FIGN: variants seen among roughly 807,000 people sequenced by gnomAD.
FIGN encodes fidgetin.
In FIGN, 11 loss-of-function variants were observed where a neutral mutation model predicts 51.3. The observed-to-expected ratio is 0.21, with a 90% CI of 0.13 to 0.35. The LOEUF (loss-of-function observed/expected upper bound fraction) is 0.35, where lower values mean the gene tolerates loss of function less well. Among genes scored for constraint, FIGN ranks in the 10% least tolerant of loss-of-function variants. The probability of loss-of-function intolerance (pLI) is 1.00; values close to 1 mark genes in which losing one functional copy is unlikely to be tolerated. For missense variants in FIGN, 857 were observed against 943.6 expected, an observed-to-expected ratio of 0.91 and a Z score of 1.20; for synonymous variants, 407 against 363.2, an observed-to-expected ratio of 1.12 and a Z score of -1.37.
intron 2 of FIGN, among the ~76,000 whole-genome samples, chr2:163,719,342 G>A (rs988637397): frequency 1.3e-5 from 2 of 152,142 alleles, no homozygotes; most frequent in Non-Finnish European, 2.9e-5. Flanking sequence ...ACAAGGAGAA[G>A]GCAGAGAGGA....
intron 2 of FIGN, among the ~76,000 whole-genome samples, chr2:163,618,093 C>A (rs1193052216): frequency 2.0e-5 from 3 of 152,082 alleles, no homozygotes; most frequent in African/African-American, 7.2e-5. Flanking sequence ...TCATTCTGAG[C>A]AAAACAAAGA....
intron 2 of FIGN, among the ~76,000 whole-genome samples, chr2:163,682,074 A>G (rs1356898136): frequency 1.3e-5 from 2 of 152,230 alleles, no homozygotes; most frequent in Non-Finnish European, 2.9e-5. Flanking sequence ...ACCTCAGGAC[A>G]AAAATTCTGG....
intron 2 of FIGN, among the ~76,000 whole-genome samples, chr2:163,725,615 A>G (rs1455949325): frequency 6.6e-6 from 1 of 152,078 alleles, no homozygotes; most frequent in African/African-American, 2.4e-5. Context: ...AACCTATATT[A>G]TATGTTGTAC....
intron 2 of FIGN, 108 bp from the exon 3 acceptor site, chr2:163,611,914 G>GGCGC: frequency 1.5e-6 from 1 of 679,388 alleles, no homozygotes; most frequent in Non-Finnish European, 2.3e-6. Flanking sequence ...TTAATGATAT[G>GGCGC]CATACTTTAA....
chr2:163,621,704 C>A (rs1398367450), intron 2 of FIGN, among the ~76,000 whole-genome samples: 5 of 152,100 alleles, frequency 3.3e-5, no homozygotes, highest in Non-Finnish European at 5.9e-5. Flanking sequence ...CCTCTGATTT[C>A]CAGATAGACT....
intron 2 of FIGN, among the ~76,000 whole-genome samples, chr2:163,620,561 T>TA (rs1395730432): frequency 6.6e-6 from 1 of 152,188 alleles, no homozygotes; most frequent in Non-Finnish European, 1.5e-5. Flanking sequence ...GATTGATCCA[T>TA]AAACAGAGTA....
At chr2:163,641,110 A>T (rs976030) in intron 2 of FIGN, among the ~76,000 whole-genome samples, 9,707 of 152,256 alleles carry the variant, frequency 0.064, 428 homozygotes, top group African/African-American at 0.12. Context: ...TACTTGGGGC[A>T]TTCACCAATG....
At chr2:163,724,085 G>A (rs995724196) in intron 2 of FIGN, among the ~76,000 whole-genome samples, 3 of 152,094 alleles carry the variant, frequency 2.0e-5, no homozygotes, top group African/African-American at 7.2e-5. Context: ...GTCATCATCG[G>A]ATCACCTCAA....
Position 163,604,659 on chromosome 2 carries a change from T to C in FIGN, c.*4893A>G, listed in dbSNP as rs985612041. The C allele has an allele frequency of 1.1e-4, 16 of 151,820 alleles. No individual in the cohort carries two copies. Among genetic ancestry groups the C allele is most frequent in the Admixed American group, 7.9e-4 (12 of 15,226 alleles). 9.4% of individuals were successfully genotyped at this position (151,820 alleles called of 1,614,324 possible). On this transcript the variant is annotated 3_prime_UTR_variant, in exon 3 of 3. Coordinates refer to ENST00000333129, the MANE Select transcript of FIGN (RefSeq NM_018086.4). ...ACAATATGTAGCAATGAGGTAGAAATGGTTATAAAGAACAATGTTTGAATA... is the reference window on the plus strand; with the variant it reads ...ACAATATGTAGCAATGAGGTAGAAACGGTTATAAAGAACAATGTTTGAATA...
chr2:163,610,746 C>A lies in FIGN; in HGVS notation c.1086G>T (p.Gly362=). 6.2e-7 allele frequency: 1 copy of A among 1,614,158 alleles called. No individual in the cohort carries two copies. The highest frequency in any genetic ancestry group is 8.5e-7 in the Non-Finnish European group (1 of 1,180,024). The change falls in exon 3 of 3, where the codon GGG becomes GGT. Residue 362 remains glycine (G), a synonymous_variant. Coordinates refer to ENST00000333129, the MANE Select transcript of FIGN (RefSeq NM_018086.4). ...TTTCAGCACTTCTGTCAAAGCCATT[C>A]CCCCGATTTGTGTTTGAAATGCTGT... The part of the protein sequence containing the change: ...PDNSISNTNR[G]NGFDRSAETS...
chr2:163,627,899 C>T (rs995389060), intron 2 of FIGN, among the ~76,000 whole-genome samples: 2 of 152,246 alleles, frequency 1.3e-5, no homozygotes, highest in Admixed American at 1.3e-4. Flanking sequence ...AGTGAGTTCC[C>T]TTCTTCTCTT....
At chr2:163,663,524 G>A in intron 2 of FIGN, among the ~76,000 whole-genome samples, 1 of 151,476 alleles carries the variant, frequency 6.6e-6, no homozygotes, top group East Asian at 2.0e-4. Flanking sequence ...AGTAGAGACG[G>A]GGTTTCTCCG....
intron 2 of FIGN, among the ~76,000 whole-genome samples, chr2:163,642,951 G>A (rs1445633548): frequency 3.3e-5 from 5 of 152,040 alleles, no homozygotes; most frequent in Non-Finnish European, 7.4e-5. Context: ...TGTTAAGATG[G>A]CAATAATCTT....
At chr2:163,713,737 C>G (rs1269086981) in intron 2 of FIGN, among the ~76,000 whole-genome samples, 1 of 152,088 alleles carries the variant, frequency 6.6e-6, no homozygotes, top group Non-Finnish European at 1.5e-5. Context: ...GACCAGTGGA[C>G]CACCTGATAC....
At chr2:163,722,759 T>TA (rs1228797253) in intron 2 of FIGN, among the ~76,000 whole-genome samples, 1 of 152,070 alleles carries the variant, frequency 6.6e-6, no homozygotes, top group East Asian at 1.9e-4. Context: ...TTCAGGGTTA[T>TA]AAAGTCTTTC....
intron 2 of FIGN, among the ~76,000 whole-genome samples, chr2:163,708,631 T>C (rs893471572): frequency 2.0e-5 from 3 of 152,184 alleles, no homozygotes; most frequent in Admixed American, 2.0e-4. Flanking sequence ...ATTGTTTCTG[T>C]CTTTTAAAAA....
Position 163,671,323 on chromosome 2 carries a change from A to G in FIGN, c.26-59517T>C, listed in dbSNP as rs1165439053. On this transcript the variant is annotated intron_variant, in intron 2 of 2. Coordinates refer to ENST00000333129, the MANE Select transcript of FIGN (RefSeq NM_018086.4). ...AATCAACCTCTGTGGCATACTAACC[A>G]TTTAGGGAAGTTGAAGAGATCATGC... 7.2e-5 allele frequency among the ~76,000 whole-genome samples: 11 copies of G among 152,310 alleles called. 1 individual carries two copies. The East Asian group carries it at 2.1e-3, about 29-fold the overall frequency.
chr2:163,602,626 A>G lies in FIGN; in HGVS notation c.*6926T>C, dbSNP rs949782796. On this transcript the variant is annotated 3_prime_UTR_variant, in exon 3 of 3. Transcript: ENST00000333129. ...CAAACTGCAATTTTTTTAACTCAGA[A>G]TTTTTTTTTATTTGAGGTATGCTTG... 1.3e-5 allele frequency: 2 copies of G among 151,648 alleles called. No homozygotes were observed. Among genetic ancestry groups the G allele is most frequent in the Non-Finnish European group, 2.9e-5 (2 of 67,850 alleles). The allele number at this position is 151,648 out of a possible 1,614,324, so 9.4% of individuals were successfully genotyped here.
chr2:163,649,418 T>G (rs1227391083), intron 2 of FIGN, among the ~76,000 whole-genome samples: 1 of 152,120 alleles, frequency 6.6e-6, no homozygotes, highest in Non-Finnish European at 1.5e-5. Flanking sequence ...TGACTTTTAA[T>G]GTGAAGAAGT....
Sources: gnomAD v4.1 joint callset for allele counts (sites outside exome capture counted in the v4.1 genomes callset) on GRCh38, gnomAD v4.1.1 for gene constraint, MANE v1.5 for transcripts, NCBI Gene and HGNC (gene_info 2026-07-23, HGNC 2026-07-21) for gene names.